ZC3H12B: variants seen among roughly 807,000 people sequenced by gnomAD.
The protein encoded by ZC3H12B is zinc finger CCCH-type containing 12B.
ZC3H12B carries 7 observed loss-of-function variants against 43.9 expected under a neutral mutation model. The observed-to-expected ratio is 0.16, with a 90% CI of 0.09 to 0.30. ZC3H12B has a LOEUF of 0.30. Ranked by LOEUF, ZC3H12B falls within the 10% of genes least tolerant of loss-of-function variation. The probability of loss-of-function intolerance (pLI) is 1.00; values close to 1 mark genes in which losing one functional copy is unlikely to be tolerated. For missense variants in ZC3H12B, 475 were observed against 670.2 expected, an observed-to-expected ratio of 0.71 and a Z score of 3.22; for synonymous variants, 222 against 241.7, an observed-to-expected ratio of 0.92 and a Z score of 0.76.
At chrX:65,364,719 C>T (rs2066151048), upstream of ZC3H12B, among the ~76,000 whole-genome samples, 5 of 111,436 alleles carry the variant, frequency 4.5e-5, no homozygotes, top group South Asian at 1.9e-3. Flanking sequence ...CCTCTTAGAA[C>T]CTCTCATTTC....
chrX:65,265,287 A>T, the ZC3H12B span, among the ~76,000 whole-genome samples: 1 of 112,230 alleles, frequency 8.9e-6, no homozygotes, highest in Non-Finnish European at 1.9e-5. Flanking sequence ...CAGACTAATG[A>T]AATAACGAAT....
At chrX:65,125,768 T>C in the ZC3H12B span, among the ~76,000 whole-genome samples, 1 of 111,298 alleles carries the variant, frequency 9.0e-6, no homozygotes, top group Admixed American at 9.6e-5. Context: ...GTTTGTTTTG[T>C]CTGATATAAG....
At chrX:65,348,334 G>A in the ZC3H12B span, among the ~76,000 whole-genome samples, 7 of 111,346 alleles carry the variant, frequency 6.3e-5, no homozygotes, top group Non-Finnish European at 1.1e-4. Flanking sequence ...GTCACCACCA[G>A]GCCTGCCTTA....
chrX:65,348,020 G>A, the ZC3H12B span, among the ~76,000 whole-genome samples: 19 of 110,663 alleles, frequency 1.7e-4, no homozygotes, highest in African/African-American at 6.3e-4. Context: ...TCTCATAGGT[G>A]GGAATTGAAC....
the ZC3H12B span, among the ~76,000 whole-genome samples, chrX:65,307,244 A>C: frequency 1.8e-5 from 2 of 112,178 alleles, no homozygotes; most frequent in Non-Finnish European, 3.8e-5. Flanking sequence ...CAACAATGTA[A>C]ATACAGTGTC....
At chrX:65,346,543 A>G in the ZC3H12B span, among the ~76,000 whole-genome samples, 2 of 112,436 alleles carry the variant, frequency 1.8e-5, no homozygotes, top group Non-Finnish European at 3.8e-5. Flanking sequence ...CCCCAAAATT[A>G]TCATTTTTTA....
At chrX:65,377,006 A>G (rs1037655552) in intron 2 of ZC3H12B, among the ~76,000 whole-genome samples, 97 of 110,974 alleles carry the variant, frequency 8.7e-4, no homozygotes, top group African/African-American at 3.0e-3. Flanking sequence ...AAACTGAGAA[A>G]TTCAAGATAT....
At chrX:65,365,067 C>T (rs977671611), upstream of ZC3H12B, among the ~76,000 whole-genome samples, 5 of 111,308 alleles carry the variant, frequency 4.5e-5, no homozygotes, top group Non-Finnish European at 9.4e-5. Flanking sequence ...AACGGACTGT[C>T]CTTTGTTAGT....
chrX:65,487,445 C>T (rs908149571), upstream of ZC3H12B, among the ~76,000 whole-genome samples: 1 of 111,475 alleles, frequency 9.0e-6, no homozygotes, highest in Non-Finnish European at 1.9e-5. Flanking sequence ...GAGGCTGAGG[C>T]AGGAGAATTG....
At chrX:65,179,625 A>T in the ZC3H12B span, among the ~76,000 whole-genome samples, 4 of 111,100 alleles carry the variant, frequency 3.6e-5, no homozygotes, top group Non-Finnish European at 7.5e-5. Flanking sequence ...AAGGGAGAAG[A>T]GTGAAATGGA....
At chrX:65,135,579 A>G in the ZC3H12B span, among the ~76,000 whole-genome samples, 1 of 109,046 alleles carries the variant, frequency 9.2e-6, no homozygotes, top group African/African-American at 3.3e-5. Context: ...TGAATCTGTA[A>G]TTTTGTAACG....
chrX:65,133,444 G>T, the ZC3H12B span, among the ~76,000 whole-genome samples: 1 of 110,257 alleles, frequency 9.1e-6, no homozygotes, highest in African/African-American at 3.3e-5. Context: ...TGCCAAATGG[G>T]CCATGAACTG....
the ZC3H12B span, among the ~76,000 whole-genome samples, chrX:65,052,014 G>C: frequency 9.0e-6 from 1 of 110,802 alleles, no homozygotes; most frequent in African/African-American, 3.3e-5. Context: ...ATCTATAGGA[G>C]TAGTTGGAGA....
intron 2 of ZC3H12B, among the ~76,000 whole-genome samples, chrX:65,376,093 C>T (rs1218354387): frequency 8.9e-6 from 1 of 111,788 alleles, no homozygotes; most frequent in African/African-American, 3.3e-5. Flanking sequence ...TCAAGCCTGG[C>T]AACATTCACC....
At chrX:65,243,315 A>G in the ZC3H12B span, among the ~76,000 whole-genome samples, 1 of 112,588 alleles carries the variant, frequency 8.9e-6, no homozygotes, top group African/African-American at 3.2e-5. Flanking sequence ...AGATCTGAAT[A>G]CACATTTGTC....
chrX:65,331,701 C>A, the ZC3H12B span, among the ~76,000 whole-genome samples: 36 of 110,739 alleles, frequency 3.3e-4, no homozygotes, highest in East Asian at 9.7e-3. Context: ...TTTATTATTA[C>A]TTCTTGATTA....
chrX:65,443,476 G>A (rs1230103473), intron 3 of ZC3H12B, among the ~76,000 whole-genome samples: 1 of 112,030 alleles, frequency 8.9e-6, no homozygotes, highest in East Asian at 2.8e-4. Context: ...AGCCTTCAGA[G>A]CTGAGAGCCC....
At chrX:65,193,382 A>G in the ZC3H12B span, among the ~76,000 whole-genome samples, 1 of 111,733 alleles carries the variant, frequency 8.9e-6, no homozygotes, top group Non-Finnish European at 1.9e-5. Flanking sequence ...GTATGTGTCT[A>G]GGAATTTATC....
chrX:65,383,033 G>T (rs1211942440), intron 2 of ZC3H12B, among the ~76,000 whole-genome samples: 2 of 111,060 alleles, frequency 1.8e-5, no homozygotes, highest in Admixed American at 1.9e-4. Flanking sequence ...ACTGCCCAAG[G>T]TAATTTACAG....
Sources: allele counts gnomAD v4.1 joint callset (sites outside exome capture counted in the v4.1 genomes callset), GRCh38; gene constraint gnomAD v4.1.1; transcripts MANE v1.5; gene names NCBI Gene and HGNC (gene_info 2026-07-23, HGNC 2026-07-21).